The following APP variants were observed in gnomAD, a reference collection of about 807,000 sequenced individuals.
The protein encoded by APP is amyloid beta precursor protein.
APP carries 31 observed loss-of-function variants against 101.4 expected under a neutral mutation model. The observed-to-expected ratio is 0.31, with a 90% confidence interval of 0.23 to 0.41. APP has a LOEUF of 0.41. APP is among the 10% of genes least tolerant of loss of function. APP has a pLI of 1.00. For synonymous variants in APP, 366 were observed against 364.4 expected (o/e 1.00, Z -0.05); for missense variants, 839 against 1,003.7 (o/e 0.84, Z 2.22).
rs761685279 is a variant in APP at position 25,897,569 on chromosome 21, G to A, written c.2064+4C>T. 73 of 1,605,494 alleles carry A rather than the reference G, an allele frequency of 4.5e-5. No homozygotes were observed. The highest frequency in any genetic ancestry group is 1.1e-4 in the South Asian group (10 of 90,916). ...AGTGGAAAGAGGTAAATTATTTTAC[G>A]TACCAATTTTTGATGATGAACTTCA... On this transcript the variant is annotated splice_donor_region_variant and intron_variant, in intron 16 of 17. Transcript: ENST00000346798.
intron 1 of APP, among the ~76,000 whole-genome samples, chr21:26,126,787 T>G (rs117006741): frequency 6.6e-6 from 1 of 152,268 alleles, no homozygotes; most frequent in Non-Finnish European, 1.5e-5. Flanking sequence ...AAGCCTTTAC[T>G]TAGGGGGAAA....
At chr21:26,048,322 T>TA in intron 5 of APP, among the ~76,000 whole-genome samples, 1 of 151,716 alleles carries the variant, frequency 6.6e-6, no homozygotes. Context: ...GACTCCATCT[T>TA]AAAAAAAGAA....
intron 10 of APP, among the ~76,000 whole-genome samples, chr21:25,975,661 G>C (rs2042198000): frequency 6.6e-6 from 1 of 152,184 alleles, no homozygotes; most frequent in Non-Finnish European, 1.5e-5. Flanking sequence ...TTTTGCTGGA[G>C]GGAGAAGCAG....
intron 1 of APP, among the ~76,000 whole-genome samples, chr21:26,168,557 C>G (rs1450136236): frequency 6.6e-6 from 1 of 152,026 alleles, no homozygotes; most frequent in Non-Finnish European, 1.5e-5. Context: ...CATGCTTCCT[C>G]TTTTTATACA....
chr21:25,998,552 T>C (rs1244127111), intron 7 of APP, among the ~76,000 whole-genome samples: 1 of 152,150 alleles, frequency 6.6e-6, no homozygotes, highest in East Asian at 1.9e-4. Context: ...GGGGTATTAA[T>C]GGTGCAGGCC....
At position 25,973,943 on chromosome 21, in the gene APP, T is replaced by TAAAAAAA. The variant is rs369334912; in HGVS notation, c.1458+1120_1458+1126dup. On this transcript the variant is annotated intron_variant, in intron 11 of 17. Transcript: ENST00000346798. ...TGACAGAGTGAGACTCCATCTCATTTAAAAAAAAAAAAAAAAAAAAAGAAC... is the reference window on the plus strand; with the variant it reads ...TGACAGAGTGAGACTCCATCTCATTTAAAAAAAAAAAAAAAAAAAAAAAAAAAAGAAC... Among the ~76,000 whole-genome samples, 31 of 111,112 alleles carry TAAAAAAA rather than the reference T, an allele frequency of 2.8e-4. 1 individual carries two copies. Among genetic ancestry groups the TAAAAAAA allele is most frequent in the African/African-American group, 1.1e-3 (28 of 26,352 alleles). The allele number at this position is 111,112 out of a possible 152,430, so 72.9% of individuals were successfully genotyped here.
chr21:26,079,899 G>A (rs556239025), intron 3 of APP, among the ~76,000 whole-genome samples: 186 of 152,266 alleles, frequency 1.2e-3, no homozygotes, highest in African/African-American at 4.2e-3. Flanking sequence ...CAAGGTGGGT[G>A]GATCACCTGA....
At position 25,881,780 on chromosome 21, in the gene APP, CAAG is replaced by C. The variant is rs753046287; in HGVS notation, c.2212-12_2212-10del. On this transcript the variant is annotated splice_polypyrimidine_tract_variant and intron_variant, in intron 17 of 17. Coordinates refer to ENST00000346798, the MANE Select transcript of APP (RefSeq NM_000484.4). Reference sequence around the variant, plus strand: ...GTGACAGCGGCGTCAACCTGAAAAACAAGAGGAGAGCTGAGTAAAAAATAAAAA... The same window carrying C: ...GTGACAGCGGCGTCAACCTGAAAAACAGGAGAGCTGAGTAAAAAATAAAAA... The C allele has an allele frequency of 2.1e-4, 331 of 1,612,420 alleles. No homozygotes were observed. The highest frequency in any genetic ancestry group is 4.7e-4 in the African/African-American group (35 of 74,948).
chr21:26,108,776 C>T (rs1393882668), intron 2 of APP, among the ~76,000 whole-genome samples: 3 of 151,708 alleles, frequency 2.0e-5, no homozygotes, highest in East Asian at 1.9e-4. Context: ...CCCAGCTACT[C>T]GGGAGGCTGA....
At chr21:26,045,582 T>C (rs890919029) in intron 5 of APP, among the ~76,000 whole-genome samples, 1 of 152,218 alleles carries the variant, frequency 6.6e-6, no homozygotes, top group Non-Finnish European at 1.5e-5. Flanking sequence ...CTGTAAATTG[T>C]TTACCAAATA....
At chr21:26,166,871 TGAGAGA>T (rs559340452) in intron 1 of APP, among the ~76,000 whole-genome samples, 192 of 135,272 alleles carry the variant, frequency 1.4e-3, no homozygotes, top group South Asian at 0.014. Context: ...GTCACTCAAG[TGAGAGA>T]GAGAGAGAGA....
At chr21:26,011,983 G>A (rs1245189804) in intron 6 of APP, among the ~76,000 whole-genome samples, 2 of 151,916 alleles carry the variant, frequency 1.3e-5, no homozygotes, top group African/African-American at 2.4e-5. Flanking sequence ...ACTAAATATA[G>A]CGTAACCTTT....
At chr21:26,022,134 T>C in intron 5 of APP, 92 bp from the exon 6 acceptor site, 1 of 1,463,284 alleles carries the variant, frequency 6.8e-7, no homozygotes, top group African/African-American at 1.4e-5. Flanking sequence ...TTTGGCAATT[T>C]GAGAAGAAAC....
At chr21:26,027,074 A>C (rs1367121762) in intron 5 of APP, among the ~76,000 whole-genome samples, 1 of 152,228 alleles carries the variant, frequency 6.6e-6, no homozygotes, top group Non-Finnish European at 1.5e-5. Flanking sequence ...TCTTCTTGCT[A>C]CAGATAAACA....
intron 1 of APP, among the ~76,000 whole-genome samples, chr21:26,140,933 T>C (rs965201033): frequency 3.9e-5 from 6 of 152,206 alleles, no homozygotes; most frequent in African/African-American, 1.2e-4. Context: ...TAATGGAGCA[T>C]TCTGGAGGAG....
intron 8 of APP, among the ~76,000 whole-genome samples, chr21:25,996,568 C>T (rs2043063652): frequency 6.6e-6 from 1 of 152,130 alleles, no homozygotes; most frequent in Non-Finnish European, 1.5e-5. Flanking sequence ...GTAACCTTTG[C>T]TCTCTTTCTT....
intron 11 of APP, among the ~76,000 whole-genome samples, chr21:25,971,478 C>T (rs1265962673): frequency 6.6e-6 from 1 of 152,198 alleles, no homozygotes; most frequent in Non-Finnish European, 1.5e-5. Flanking sequence ...GGTGGGGAAA[C>T]CCACACAGAG....
chr21:25,883,012 C>T (rs988201638), intron 17 of APP, among the ~76,000 whole-genome samples: 5 of 152,044 alleles, frequency 3.3e-5, no homozygotes, highest in African/African-American at 1.2e-4. Flanking sequence ...AAAGTACCAG[C>T]GAGGATGTAG....
At chr21:25,960,281 G>A (rs2041521090) in intron 11 of APP, among the ~76,000 whole-genome samples, 1 of 150,358 alleles carries the variant, frequency 6.7e-6, no homozygotes, top group African/African-American at 2.4e-5. Flanking sequence ...ATGGGTCTAG[G>A]TGCTGGGGTG....
Sources: allele counts gnomAD v4.1 joint callset (sites outside exome capture counted in the v4.1 genomes callset), GRCh38; gene constraint gnomAD v4.1.1; transcripts MANE v1.5; gene names NCBI Gene and HGNC (gene_info 2026-07-23, HGNC 2026-07-21).